Variants in COL10A1 observed in about 807,000 individuals in gnomAD.
COL10A1 encodes collagen type X alpha 1 chain, also known as collagen alpha-1(X) chain.
A neutral mutation model predicts 18.2 loss-of-function variants in COL10A1; 10 were observed. The observed-to-expected ratio is 0.55, with a 90% CI of 0.34 to 0.93. COL10A1 has a LOEUF of 0.93. COL10A1 is among the 40% of genes least tolerant of loss of function. The pLI is 0.02. For missense variants in COL10A1, 897 were observed against 853.5 expected, an observed-to-expected ratio of 1.05 and a Z score of -0.64; for synonymous variants, 330 against 316.6, an observed-to-expected ratio of 1.04 and a Z score of -0.45.
At chr6:116,177,490 T>C in the COL10A1 span, among the ~76,000 whole-genome samples, 66 of 152,300 alleles carry the variant, frequency 4.3e-4, no homozygotes, top group African/African-American at 1.6e-3. Context: ...TTTAATGATA[T>C]AAATTTTCTA....
At chr6:116,122,022 A>G in intron 2 of COL10A1, 61 bp from the exon 3 acceptor site, 1 of 1,400,548 alleles carries the variant, frequency 7.1e-7, no homozygotes, top group South Asian at 1.2e-5. Flanking sequence ...ATTAAAGAGA[A>G]TCATTGCCTT....
At chr6:116,203,898 G>A in the COL10A1 span, among the ~76,000 whole-genome samples, 1 of 151,824 alleles carries the variant, frequency 6.6e-6, no homozygotes, top group Non-Finnish European at 1.5e-5. Context: ...TTTGCCACTT[G>A]ATATCTATAA....
chr6:116,156,826 C>A (rs141054797), intron 1 of COL10A1, among the ~76,000 whole-genome samples: 1 of 150,646 alleles, frequency 6.6e-6, no homozygotes, highest in Non-Finnish European at 1.5e-5. Context: ...TTGTGCTTCA[C>A]GTCCTCTCCC....
At chr6:116,196,954 C>T in the COL10A1 span, among the ~76,000 whole-genome samples, 11 of 151,564 alleles carry the variant, frequency 7.3e-5, no homozygotes, top group Non-Finnish European at 1.0e-4. Flanking sequence ...CTCCAGAGTT[C>T]TATCTAGTTG....
At chr6:116,166,390 A>T in the COL10A1 span, among the ~76,000 whole-genome samples, 1 of 152,216 alleles carries the variant, frequency 6.6e-6, no homozygotes, top group Non-Finnish European at 1.5e-5. Context: ...ATTCAGTTCT[A>T]ATTAAAAACA....
At chr6:116,143,152 G>A (rs1308681780) in intron 1 of COL10A1, among the ~76,000 whole-genome samples, 3 of 151,964 alleles carry the variant, frequency 2.0e-5, no homozygotes, top group Non-Finnish European at 2.9e-5. Flanking sequence ...AACACTAAAG[G>A]AATTTTTAGA....
chr6:116,206,961 T>A, the COL10A1 span, among the ~76,000 whole-genome samples: 1 of 151,992 alleles, frequency 6.6e-6, no homozygotes, highest in Admixed American at 6.6e-5. Context: ...ATTGAGTAAT[T>A]CTAGAATTTA....
the COL10A1 span, among the ~76,000 whole-genome samples, chr6:116,168,071 T>C: frequency 6.7e-6 from 1 of 149,724 alleles, no homozygotes; most frequent in Non-Finnish European, 1.5e-5. Context: ...CGATTTATGA[T>C]GTACCTGGTG....
At chr6:116,149,749 C>T (rs1446303197) in intron 1 of COL10A1, among the ~76,000 whole-genome samples, 1 of 152,136 alleles carries the variant, frequency 6.6e-6, no homozygotes, top group East Asian at 1.9e-4. Flanking sequence ...GGGATCTCCA[C>T]ATAAAATAAG....
the COL10A1 span, among the ~76,000 whole-genome samples, chr6:116,203,555 A>C: frequency 5.3e-5 from 8 of 151,860 alleles, no homozygotes; most frequent in African/African-American, 1.9e-4. Context: ...GTAATTCATT[A>C]ATTTTCATTG....
At chr6:116,188,719 T>A in the COL10A1 span, among the ~76,000 whole-genome samples, 1 of 151,548 alleles carries the variant, frequency 6.6e-6, no homozygotes, top group Non-Finnish European at 1.5e-5. Context: ...TTTTTTTTTT[T>A]ACCTGATTAG....
At chr6:116,153,126 T>A (rs1749323172) in intron 1 of COL10A1, among the ~76,000 whole-genome samples, 1 of 151,922 alleles carries the variant, frequency 6.6e-6, no homozygotes, top group Non-Finnish European at 1.5e-5. Context: ...TACACAAATA[T>A]ATGTATATAC....
the COL10A1 span, among the ~76,000 whole-genome samples, chr6:116,198,303 G>A: frequency 6.6e-6 from 1 of 152,012 alleles, no homozygotes; most frequent in South Asian, 2.1e-4. Flanking sequence ...CAGTCAATGT[G>A]GCCAGTAAAT....
At position 116,125,470 on chromosome 6, in the gene COL10A1, A is replaced by C. The variant is rs34539681; in HGVS notation, c.23T>G (p.Leu8Trp). ...AACCAAGTTCAAGGATACTAGCAGC[A>C]AAAAGGGTATTTGTGGCAGCATATT... MLPQIPF[L>W]LLVSLNLVHG... The change falls in exon 2 of 3, where the codon TTG becomes TGG. Residue 8 changes from leucine (L) to tryptophan (W), a missense_variant. By Grantham distance (61) the Leu-to-Trp change is moderately conservative (BLOSUM62 -2). Coordinates refer to ENST00000651968, the MANE Select transcript of COL10A1 (RefSeq NM_000493.4). 6.4e-4 allele frequency: 1,026 copies of C among 1,613,846 alleles called. 4 individuals carry two copies. The African/African-American group carries it at 1.0e-2, about 16-fold the overall frequency.
chr6:116,120,584 CCAG>C lies in COL10A1; in HGVS notation c.1529_1531del (p.Pro510_Gly511delinsArg). On this transcript the variant is annotated inframe_deletion, in exon 3 of 3. Coordinates refer to ENST00000651968, the MANE Select transcript of COL10A1 (RefSeq NM_000493.4). ...TGCTTGACCTGGTGGGCCTGGAGGCCCAGGGGGCCCTGGAAGACCAGGCTCTCC... is the reference window on the plus strand; with the variant it reads ...TGCTTGACCTGGTGGGCCTGGAGGCCGGGGCCCTGGAAGACCAGGCTCTCC... 4.4e-6 allele frequency: 7 copies of C among 1,592,802 alleles called. No homozygotes were observed. The highest frequency in any genetic ancestry group is 4.3e-6 in the Non-Finnish European group (5 of 1,171,914).
intron 1 of COL10A1, among the ~76,000 whole-genome samples, chr6:116,136,619 AATTTC>A (rs1562133189): frequency 6.6e-6 from 1 of 152,158 alleles, no homozygotes. Context: ...ATTTGAGTCA[AATTTC>A]ATTTGTGAAA....
At chr6:116,158,243 T>A (rs1408046108) in intron 1 of COL10A1, among the ~76,000 whole-genome samples, 4 of 92,014 alleles carry the variant, frequency 4.3e-5, no homozygotes, top group Non-Finnish European at 9.6e-5. Context: ...TGGGAGTAGT[T>A]TAGTGTGCTA....
At chr6:116,163,141 A>AAAATAT (rs761718922), upstream of COL10A1, among the ~76,000 whole-genome samples, 45 of 88,394 alleles carry the variant, frequency 5.1e-4, 1 homozygote, top group African/African-American at 1.9e-3. Context: ...AAAAAAAAAA[A>AAAATAT]ATATATATAT....
At chr6:116,144,114 G>T (rs1265795185) in intron 1 of COL10A1, among the ~76,000 whole-genome samples, 1 of 152,080 alleles carries the variant, frequency 6.6e-6, no homozygotes, top group Admixed American at 6.6e-5. Context: ...CGGGTATTCT[G>T]CAGTCAGATA....
Sources: gnomAD v4.1 joint callset for allele counts (sites outside exome capture counted in the v4.1 genomes callset) on GRCh38, gnomAD v4.1.1 for gene constraint, MANE v1.5 for transcripts, NCBI Gene and HGNC (gene_info 2026-07-23, HGNC 2026-07-21) for gene names.